TSEN2: variants seen among roughly 807,000 people sequenced by gnomAD.
TSEN2 encodes the protein tRNA splicing endonuclease subunit 2.
In TSEN2, 54 loss-of-function variants were observed where a neutral mutation model predicts 59.2. The observed-to-expected ratio is 0.91, with a 90% CI of 0.73 to 1.14. The LOEUF (loss-of-function observed/expected upper bound fraction) is 1.14, where lower values mean the gene tolerates loss of function less well. TSEN2 is among the 50% of genes most tolerant of loss of function. The probability of loss-of-function intolerance (pLI) is 0.00; values close to 1 mark genes in which losing one functional copy is unlikely to be tolerated. For synonymous variants in TSEN2, 195 were observed against 198.2 expected (o/e 0.98, Z 0.14); for missense variants, 636 against 576.2 (o/e 1.10, Z -1.06).
upstream of TSEN2, chr3:12,484,445 T>C (rs1441720363): frequency 6.6e-6 from 1 of 152,244 alleles, no homozygotes; most frequent in Non-Finnish European, 1.5e-5. Context: ...GCGGCCGCAC[T>C]GCTTGACGGC....
intron 2 of TSEN2, 128 bp from the exon 3 acceptor site, chr3:12,492,008 A>G (rs2053264939): frequency 1.3e-6 from 1 of 750,794 alleles, no homozygotes; most frequent in African/African-American, 1.8e-5. Context: ...CCATCTGCCG[A>G]TTTTGGTATC....
chr3:12,530,357 C>A (rs1190707164), intron 10 of TSEN2: 8 of 986,530 alleles, frequency 8.1e-6, no homozygotes, highest in African/African-American at 1.7e-5. Context: ...AAGGTTGGAG[C>A]CGTTGAGTGG....
intron 2 of TSEN2, among the ~76,000 whole-genome samples, chr3:12,490,784 C>T (rs1165076978): frequency 1.3e-5 from 2 of 152,166 alleles, no homozygotes; most frequent in African/African-American, 4.8e-5. Context: ...AAGGCAGCCA[C>T]GGAATGGCGT....
chr3:12,516,444 A>ATGTG (rs1289799497), intron 6 of TSEN2, among the ~76,000 whole-genome samples, 167 bp from the exon 7 acceptor site: 105 of 51,616 alleles, frequency 2.0e-3, no homozygotes, highest in African/African-American at 8.5e-3. Context: ...CAAACAAAAT[A>ATGTG]TATGTGTGTG....
chr3:12,534,780 G>A (rs138828079), downstream of TSEN2, among the ~76,000 whole-genome samples: 1,010 of 150,374 alleles, frequency 6.7e-3, 20 homozygotes, highest in Admixed American at 0.041. Flanking sequence ...CTCCAGCCAG[G>A]GCGACAGAGC....
chr3:12,526,596 C>T (rs2057102692), intron 8 of TSEN2, among the ~76,000 whole-genome samples: 1 of 152,332 alleles, frequency 6.6e-6, no homozygotes. Flanking sequence ...TAGAACGTAT[C>T]CTCATCATTA....
At position 12,528,918 on chromosome 3, in the gene TSEN2, A is replaced by G. The variant is rs779555228; in HGVS notation, c.1130A>G (p.His377Arg). The change falls in exon 9 of 12, where the codon CAT becomes CGT. Residue 377 changes from histidine to arginine, a missense_variant. Coordinates refer to ENST00000284995, the MANE Select transcript of TSEN2 (RefSeq NM_025265.4). ...LLYRKGPPFYHASYSVIIELV... is the reference protein window; with the variant it reads ...LLYRKGPPFYRASYSVIIELV... ...TATCGGAAAGGCCCTCCATTTTACC[A>G]TGCAAGGTTCGGAGTGATTTTTAAA... 1.2e-6 allele frequency: 2 copies of G among 1,613,962 alleles called. No individual in the cohort carries two copies. Among genetic ancestry groups the G allele is most frequent in the Non-Finnish European group, 1.7e-6 (2 of 1,180,002 alleles).
chr3:12,500,927 A>G (rs1054878707), intron 4 of TSEN2, among the ~76,000 whole-genome samples: 4 of 152,206 alleles, frequency 2.6e-5, no homozygotes, highest in Non-Finnish European at 5.9e-5. Flanking sequence ...AGGAGGAACT[A>G]TTGACCCTTT....
At chr3:12,493,277 A>G (rs1451884408) in intron 3 of TSEN2, among the ~76,000 whole-genome samples, 1 of 152,196 alleles carries the variant, frequency 6.6e-6, no homozygotes, top group East Asian at 1.9e-4. Flanking sequence ...TTGGATATAT[A>G]CCCAGGAGTA....
In TSEN2 at chr3:12,522,886, C is replaced by T. The variant is rs150297292; in HGVS notation, c.1099+3689C>T. 1.1e-4 allele frequency among the ~76,000 whole-genome samples: 17 copies of T among 152,312 alleles called. No homozygotes were observed. In the East Asian group the frequency reaches 2.9e-3, roughly 26 times the overall value. On this transcript the variant is annotated intron_variant, in intron 8 of 11. Transcript: ENST00000284995. ...GAAGCCAAGAGGGAGCCTTTCCTTA[C>T]ACTCCCTACTCAGCAGCTCCCCTGG...
rs200786413 is a variant in TSEN2, at chr3:12,531,637, G to A, written c.1316G>A (p.Cys439Tyr). Residue 439 changes from cysteine (C) to tyrosine (Y), a missense_variant, in exon 11 of 12, where the codon TGT becomes TAT. Physicochemically the swap from Cys to Tyr is radical, Grantham distance 194. Transcript: ENST00000284995. ...GACAAGGAAATGGAGTCACCAGAAT[G>A]TATGAAAAGGATTAAAGTTCAGGTG... The part of the protein sequence containing the change: ...MTDKEMESPE[C>Y]MKRIKVQEVI... The A allele has an allele frequency of 3.7e-6, 6 of 1,611,046 alleles. No homozygotes were observed. Among genetic ancestry groups the A allele is most frequent in the Admixed American group, 3.3e-5 (2 of 60,018 alleles).
chr3:12,538,285 C>T (rs1161898447), downstream of TSEN2, among the ~76,000 whole-genome samples: 3 of 152,198 alleles, frequency 2.0e-5, no homozygotes, highest in African/African-American at 7.2e-5. Flanking sequence ...TGAATCAAGC[C>T]GCACCAAAAC....
chr3:12,537,552 C>G (rs960314520), downstream of TSEN2, among the ~76,000 whole-genome samples: 6 of 152,180 alleles, frequency 3.9e-5, no homozygotes, highest in African/African-American at 1.2e-4. Context: ...CTCATTTTCT[C>G]CTTTTTCTTC....
rs1198196167 is a variant in TSEN2, at chr3:12,506,916, C to T, written c.909+1685C>T. 1.3e-5 allele frequency: 13 copies of T among 968,718 alleles called. No individual in the cohort carries two copies. The South Asian group carries it at 2.9e-4, about 21-fold the overall frequency. 60.0% of individuals were successfully genotyped at this position (968,718 alleles called of 1,614,324 possible). A position where few individuals can be genotyped will look rare whatever the true frequency, so the allele number is the denominator to read the frequency against. On this transcript the variant is annotated intron_variant, in intron 6 of 11. Transcript: ENST00000284995. ...ACCACAGGAAAGTAATTGTGGGGGC[C>T]GGGCGCCGTGGCTCACACCTGTAAT...
At chr3:12,496,955 T>G (rs2053809581) in intron 4 of TSEN2, among the ~76,000 whole-genome samples, 1 of 152,168 alleles carries the variant, frequency 6.6e-6, no homozygotes, top group South Asian at 2.1e-4. Flanking sequence ...CTTCCTCATT[T>G]AATCCTAGAC....
At chr3:12,496,296 A>T (rs911607949) in intron 3 of TSEN2, among the ~76,000 whole-genome samples, 1 of 152,222 alleles carries the variant, frequency 6.6e-6, no homozygotes, top group African/African-American at 2.4e-5. Context: ...GGTCCCCTCT[A>T]AGCCCAGCAA....
At chr3:12,512,265 G>A (rs1028272260) in intron 6 of TSEN2, among the ~76,000 whole-genome samples, 10 of 152,326 alleles carry the variant, frequency 6.6e-5, no homozygotes, top group Admixed American at 6.5e-4. Flanking sequence ...TATATTTTCT[G>A]TAAATTTAAA....
At chr3:12,517,765 C>T (rs2056283683) in intron 7 of TSEN2, among the ~76,000 whole-genome samples, 1 of 152,130 alleles carries the variant, frequency 6.6e-6, no homozygotes, top group South Asian at 2.1e-4. Context: ...CTTCCTCTCG[C>T]GGGCCTTAGC....
intron 8 of TSEN2, among the ~76,000 whole-genome samples, chr3:12,526,843 C>T (rs75080945): frequency 0.017 from 2,553 of 152,292 alleles, 46 homozygotes; most frequent in South Asian, 0.059. Context: ...AATTACTTGC[C>T]TTGTGGGTGT....
Sources: allele counts gnomAD v4.1 joint callset (sites outside exome capture counted in the v4.1 genomes callset), GRCh38; gene constraint gnomAD v4.1.1; transcripts MANE v1.5; gene names NCBI Gene and HGNC (gene_info 2026-07-23, HGNC 2026-07-21).